AASDH: variants seen among roughly 807,000 people sequenced by gnomAD.
AASDH encodes aminoadipate-semialdehyde dehydrogenase.
In AASDH, 81 loss-of-function variants were observed where a neutral mutation model predicts 102.3. That is an observed-to-expected ratio of 0.79 (90% CI 0.66 to 0.95). The LOEUF (loss-of-function observed/expected upper bound fraction) is 0.95, where lower values mean the gene tolerates loss of function less well. Among genes scored for constraint, AASDH ranks in the 40% least tolerant of loss-of-function variants. AASDH has a pLI of 0.00. For missense variants in AASDH, 1,203 were observed against 1,266.2 expected (o/e 0.95, Z 0.76); for synonymous variants, 398 against 454.0 (o/e 0.88, Z 1.57).
intron 11 of AASDH, 59 bp downstream of exon 11, chr4:56,349,204 T>A: frequency 6.5e-7 from 1 of 1,544,330 alleles, no homozygotes. Context: ...CTTGGGCCTA[T>A]GAAGATTATT....
At chr4:56,385,422 C>T (rs1023878835) in intron 1 of AASDH, among the ~76,000 whole-genome samples, 96 of 152,188 alleles carry the variant, frequency 6.3e-4, no homozygotes, top group African/African-American at 2.2e-3. Flanking sequence ...CTCTGGGTTT[C>T]TTAATGCAGA....
At chr4:56,343,734 C>G in intron 12 of AASDH, 50 bp from the exon 13 acceptor site, 1 of 1,544,140 alleles carries the variant, frequency 6.5e-7, no homozygotes. Flanking sequence ...GTTAACAAAT[C>G]CATATAACCT....
rs1349461597 is a variant in AASDH at position 56,339,625 on chromosome 4, C to T, written c.2908-834G>A. On this transcript the variant is annotated intron_variant, in intron 14 of 14. Coordinates refer to ENST00000205214, the MANE Select transcript of AASDH (RefSeq NM_181806.4). ...AATTAGCCAGGTGTGGTGGCACACA[C>T]CTACAGTCCCAGCTACTGGGGAGGC... Among the ~76,000 whole-genome samples, 8 of 151,002 alleles carry T rather than the reference C, an allele frequency of 5.3e-5. No individual in the cohort carries two copies. The South Asian group carries it at 6.3e-4, about 12-fold the overall frequency.
At chr4:56,387,112 G>A (rs901939869) in intron 1 of AASDH, among the ~76,000 whole-genome samples, 1 of 152,184 alleles carries the variant, frequency 6.6e-6, no homozygotes, top group Admixed American at 6.5e-5. Context: ...ACCACTCTAG[G>A]GGGTAGCTGA....
At chr4:56,350,675 G>T (rs1748896179) in intron 10 of AASDH, among the ~76,000 whole-genome samples, 1 of 151,784 alleles carries the variant, frequency 6.6e-6, no homozygotes, top group Admixed American at 6.6e-5. Flanking sequence ...AAGCCCACAA[G>T]ATACCAATAG....
intron 1 of AASDH, among the ~76,000 whole-genome samples, chr4:56,386,799 CAAAAAAAAAAAAAAAAA>C (rs386400124): frequency 2.0e-5 from 1 of 48,836 alleles, no homozygotes; most frequent in Non-Finnish European, 3.5e-5. Context: ...GACTCCGTCT[CAAAAAAAAAAAAAAAAA>C]AAAAAAGGAA....
intron 14 of AASDH, among the ~76,000 whole-genome samples, 183 bp downstream of exon 14, chr4:56,342,652 G>A (rs1221409471): frequency 6.6e-6 from 1 of 151,806 alleles, no homozygotes; most frequent in Non-Finnish European, 1.5e-5. Context: ...TCTCAACACC[G>A]TGAGTTGAAT....
At chr4:56,339,210 G>A (rs149586978) in intron 14 of AASDH, among the ~76,000 whole-genome samples, 2 of 151,704 alleles carry the variant, frequency 1.3e-5, no homozygotes, top group African/African-American at 4.8e-5. Flanking sequence ...CTGGAGTGCA[G>A]TGGCATGATC....
In AASDH at chr4:56,368,725, G is replaced by T. The variant is rs184803188; in HGVS notation, c.861+2726C>A. On this transcript the variant is annotated intron_variant, in intron 5 of 14. Transcript: ENST00000205214. Reference sequence around the variant, plus strand: ...CACACACTGGGGACTTTTGTGGGGTGGGGGGAGGGGGGAGGGATAGCATTA... The same window carrying T: ...CACACACTGGGGACTTTTGTGGGGTTGGGGGAGGGGGGAGGGATAGCATTA... Among the ~76,000 whole-genome samples, 2 of 118,564 alleles carry T rather than the reference G, an allele frequency of 1.7e-5. 1 individual carries two copies. Among genetic ancestry groups the T allele is most frequent in the South Asian group, 7.4e-4 (2 of 2,686 alleles). The allele number at this position is 118,564 out of a possible 152,430, so 77.8% of individuals were successfully genotyped here.
In AASDH at chr4:56,356,797, AG is replaced by A. The variant is rs905032610; in HGVS notation, c.862-1375del. 1.4e-4 allele frequency: 103 copies of A among 747,878 alleles called. No homozygotes were observed. In the Admixed American group the frequency reaches 1.8e-3, roughly 13 times the overall value. The allele number at this position is 747,878 out of a possible 1,614,324, so 46.3% of individuals were successfully genotyped here. A position where few individuals can be genotyped will look rare whatever the true frequency, so the allele number is the denominator to read the frequency against. On this transcript the variant is annotated intron_variant, in intron 5 of 14. Transcript: ENST00000205214. The stretch of plus-strand genomic sequence containing the variant: ...TTTGGCTAAGCTAGTGGAAGCTATT[AG>A]GACCAATTACAATGACAGATACGAT...
At chr4:56,361,522 T>A (rs1018114640) in intron 5 of AASDH, among the ~76,000 whole-genome samples, 1 of 152,102 alleles carries the variant, frequency 6.6e-6, no homozygotes, top group African/African-American at 2.4e-5. Context: ...AGTAAATCAT[T>A]CTAGACATAC....
intron 5 of AASDH, among the ~76,000 whole-genome samples, chr4:56,362,870 G>A (rs1325217726): frequency 6.6e-6 from 1 of 152,060 alleles, no homozygotes; most frequent in African/African-American, 2.4e-5. Flanking sequence ...ATCTCACTGG[G>A]GAGTGCCGGA....
intron 4 of AASDH, among the ~76,000 whole-genome samples, chr4:56,376,664 T>C (rs1752369875): frequency 6.6e-6 from 1 of 152,226 alleles, no homozygotes; most frequent in South Asian, 2.1e-4. Flanking sequence ...TATGCCAGAT[T>C]TTGAAGATGA....
intron 5 of AASDH, among the ~76,000 whole-genome samples, chr4:56,359,131 C>T (rs1749988163): frequency 6.7e-6 from 1 of 148,898 alleles, no homozygotes; most frequent in Non-Finnish European, 1.5e-5. Context: ...TTTGCTAGTG[C>T]ATTTCTTTGC....
At chr4:56,367,971 T>C (rs140259768) in intron 5 of AASDH, among the ~76,000 whole-genome samples, 54,080 of 151,746 alleles carry the variant, frequency 0.36, 10,099 homozygotes, top group Non-Finnish European at 0.42. Flanking sequence ...CCTACTCATC[T>C]GACAAAGGGC....
rs756766892 is a variant in AASDH, at chr4:56,349,327, C to G, written c.2424G>C (p.Gln808His). Residue 808 changes from glutamine (Q) to histidine (H), a missense_variant, in exon 11 of 15, where the codon CAG (glutamine) becomes CAC (histidine). Gln to His is a conservative substitution (Grantham distance 24). Coordinates refer to ENST00000205214, the MANE Select transcript of AASDH (RefSeq NM_181806.4). Reference protein sequence around the residue: ...DFYSGKVKWEQILGDRIESSA... With the variant: ...DFYSGKVKWEHILGDRIESSA... ...AGGATTCAATTCGATCTCCCAAAAT[C>G]TGTTCCCATTTTACCTTCCCAGAGT... 1.5e-5 allele frequency: 25 copies of G among 1,614,118 alleles called. No homozygotes were observed. The East Asian group carries it at 5.1e-4, about 33-fold the overall frequency.
intron 10 of AASDH, 119 bp from the exon 11 acceptor site, chr4:56,350,177 G>T: frequency 1.0e-6 from 1 of 955,030 alleles, no homozygotes; most frequent in Non-Finnish European, 1.5e-6. Flanking sequence ...AATATAGGTC[G>T]GGTACAGTGG....
chr4:56,355,044 T>TG, intron 6 of AASDH, 138 bp downstream of exon 6: 1 of 1,148,798 alleles, frequency 8.7e-7, no homozygotes, highest in Non-Finnish European at 1.2e-6. Flanking sequence ...AGGAAGGTTC[T>TG]GGATTCCCAA....
At chr4:56,358,514 T>C (rs1385983098) in intron 5 of AASDH, among the ~76,000 whole-genome samples, 2 of 150,738 alleles carry the variant, frequency 1.3e-5, no homozygotes, top group African/African-American at 4.9e-5. Flanking sequence ...ATTGGGAAAG[T>C]TCCCTTCTAT....
Sources: gnomAD v4.1 joint callset for allele counts (sites outside exome capture counted in the v4.1 genomes callset) on GRCh38, gnomAD v4.1.1 for gene constraint, MANE v1.5 for transcripts, NCBI Gene and HGNC (gene_info 2026-07-23, HGNC 2026-07-21) for gene names.